Variants in MAGI1 observed in about 807,000 individuals in gnomAD.
MAGI1 encodes membrane associated guanylate kinase, WW and PDZ domain containing 1.
In MAGI1, 58 loss-of-function variants were observed where a neutral mutation model predicts 139.9. The ratio of observed to expected loss-of-function variants is 0.41; its 90% CI spans 0.34 to 0.52. MAGI1 has a LOEUF of 0.52. Ranked by LOEUF, MAGI1 falls within the 20% of genes least tolerant of loss-of-function variation. The pLI, the probability that MAGI1 is intolerant of heterozygous loss-of-function variation, is 0.12. For missense variants in MAGI1, 1,874 were observed against 1,901.6 expected, an observed-to-expected ratio of 0.99 and a Z score of 0.27; for synonymous variants, 812 against 737.9, an observed-to-expected ratio of 1.10 and a Z score of -1.63.
Position 65,909,879 on chromosome 3 carries a change from G to A in MAGI1, c.313+128117C>T, listed in dbSNP as rs569659225. 2.6e-5 allele frequency among the ~76,000 whole-genome samples: 4 copies of A among 152,248 alleles called. No individual in the cohort carries two copies. In the South Asian group the frequency reaches 8.3e-4, roughly 32 times the overall value. On this transcript the variant is annotated intron_variant, in intron 1 of 22. Coordinates refer to ENST00000402939, the MANE Select transcript of MAGI1 (RefSeq NM_001033057.2). ...GACAATATTTCCATGGGCCAGGGGTGGGGGATGGTTTGGGGACGAAACTGT... is the reference window on the plus strand; with the variant it reads ...GACAATATTTCCATGGGCCAGGGGTAGGGGATGGTTTGGGGACGAAACTGT...
intron 1 of MAGI1, among the ~76,000 whole-genome samples, chr3:65,732,364 G>C (rs2034278712): frequency 6.6e-6 from 1 of 152,194 alleles, no homozygotes; most frequent in African/African-American, 2.4e-5. Flanking sequence ...CTGATAAGCA[G>C]TAACTAGTGA....
At chr3:65,745,691 C>T (rs2035642513) in intron 1 of MAGI1, among the ~76,000 whole-genome samples, 1 of 152,162 alleles carries the variant, frequency 6.6e-6, no homozygotes, top group Admixed American at 6.6e-5. Context: ...TTCTTTTTCT[C>T]ATTGCAAGGT....
intron 1 of MAGI1, among the ~76,000 whole-genome samples, chr3:65,756,798 T>C (rs1370921408): frequency 6.6e-6 from 1 of 152,132 alleles, no homozygotes; most frequent in Non-Finnish European, 1.5e-5. Context: ...ATGAAAGCTA[T>C]ACAGCCTCAA....
chr3:65,974,320 G>A (rs1233542197), intron 1 of MAGI1, among the ~76,000 whole-genome samples: 3 of 146,718 alleles, frequency 2.0e-5, no homozygotes, highest in African/African-American at 5.1e-5. Flanking sequence ...GAAGAAGGGA[G>A]AGTGGGAGGG....
intron 4 of MAGI1, among the ~76,000 whole-genome samples, chr3:65,472,600 C>T (rs1007378498): frequency 2.0e-5 from 3 of 152,170 alleles, no homozygotes; most frequent in Non-Finnish European, 4.4e-5. Flanking sequence ...ATCACCAGGA[C>T]CTCCAGCTCT....
chr3:65,577,845 C>T (rs1008670368), intron 2 of MAGI1, among the ~76,000 whole-genome samples: 1 of 152,166 alleles, frequency 6.6e-6, no homozygotes, highest in African/African-American at 2.4e-5. Flanking sequence ...TCTCATCTCA[C>T]CCTGGCTCAG....
intron 1 of MAGI1, among the ~76,000 whole-genome samples, chr3:65,854,141 G>A (rs967970289): frequency 6.7e-5 from 10 of 149,226 alleles, no homozygotes; most frequent in African/African-American, 2.5e-4. Context: ...AAACAGGTTA[G>A]CTGTGTAAAA....
At chr3:65,946,327 T>A (rs145537852) in intron 1 of MAGI1, among the ~76,000 whole-genome samples, 31 of 152,378 alleles carry the variant, frequency 2.0e-4, no homozygotes, top group African/African-American at 7.2e-4. Flanking sequence ...TTGTGGGCTA[T>A]TGACGCTGAC....
intron 1 of MAGI1, among the ~76,000 whole-genome samples, chr3:65,711,859 C>G (rs1233828166): frequency 6.6e-6 from 1 of 152,204 alleles, no homozygotes; most frequent in Non-Finnish European, 1.5e-5. Flanking sequence ...TTCAAGCCAC[C>G]TGGTCTGTGA....
intron 1 of MAGI1, among the ~76,000 whole-genome samples, chr3:65,967,959 G>A (rs2064839776): frequency 6.6e-6 from 1 of 152,218 alleles, no homozygotes; most frequent in African/African-American, 2.4e-5. Context: ...CTGAGGCAGT[G>A]CTCTCAAAGG....
chr3:65,577,266 T>C (rs2081217779), intron 2 of MAGI1, among the ~76,000 whole-genome samples: 1 of 151,990 alleles, frequency 6.6e-6, no homozygotes, highest in Non-Finnish European at 1.5e-5. Flanking sequence ...CCTCCACATA[T>C]GAAAGAAATA....
intron 2 of MAGI1, among the ~76,000 whole-genome samples, chr3:65,619,051 G>T (rs745961069): frequency 1.3e-5 from 2 of 152,182 alleles, no homozygotes; most frequent in Admixed American, 6.5e-5. Flanking sequence ...GATAAAAGGG[G>T]AGTGGAGAAT....
rs1044877156 is a variant in MAGI1, at chr3:65,765,375, C to T, written c.314-143287G>A. On this transcript the variant is annotated intron_variant, in intron 1 of 22. Transcript: ENST00000402939. The stretch of plus-strand genomic sequence containing the variant: ...GCCAAGCATTTGGTTGTGGCACTGG[C>T]GGGACAACTATAAAGAAACCAATGT... 3.9e-5 allele frequency among the ~76,000 whole-genome samples: 6 copies of T among 152,054 alleles called. No homozygotes were observed. In the East Asian group the frequency reaches 5.8e-4, roughly 15 times the overall value.
intron 2 of MAGI1, among the ~76,000 whole-genome samples, chr3:65,603,071 G>C (rs151275539): frequency 2.4e-4 from 36 of 152,150 alleles, no homozygotes; most frequent in African/African-American, 8.7e-4. Context: ...AGCAATGACT[G>C]TAACTAAAAT....
At chr3:65,872,206 G>A (rs935893414) in intron 1 of MAGI1, among the ~76,000 whole-genome samples, 4 of 152,136 alleles carry the variant, frequency 2.6e-5, no homozygotes, top group African/African-American at 9.7e-5. Context: ...TTACTTTTAG[G>A]CAATGCTTCA....
chr3:65,736,332 A>AT (rs2034726123), intron 1 of MAGI1, among the ~76,000 whole-genome samples: 1 of 152,184 alleles, frequency 6.6e-6, no homozygotes, highest in Admixed American at 6.5e-5. Flanking sequence ...TTTTAAAAGA[A>AT]TGCTATTTGT....
chr3:65,552,259 G>GGT (rs10576104), intron 2 of MAGI1, among the ~76,000 whole-genome samples: 9,285 of 147,958 alleles, frequency 0.063, 407 homozygotes, highest in Admixed American at 0.15. Context: ...TGTGTATAGG[G>GGT]GTGTGTGTGT....
intron 12 of MAGI1, among the ~76,000 whole-genome samples, chr3:65,420,778 A>T (rs551515468): frequency 6.6e-6 from 1 of 152,340 alleles, no homozygotes; most frequent in East Asian, 1.9e-4. Context: ...ACTATAAATC[A>T]CACACGAACA....
chr3:65,679,106 T>C (rs1284954594), intron 1 of MAGI1, among the ~76,000 whole-genome samples: 2 of 152,126 alleles, frequency 1.3e-5, no homozygotes. Context: ...TCCCCTACAG[T>C]GTGTCAATTC....
Sources: gnomAD v4.1 joint callset for allele counts (sites outside exome capture counted in the v4.1 genomes callset) on GRCh38, gnomAD v4.1.1 for gene constraint, MANE v1.5 for transcripts, NCBI Gene and HGNC (gene_info 2026-07-23, HGNC 2026-07-21) for gene names.